The following TIRAP variants were observed in gnomAD, a reference collection of about 807,000 sequenced individuals.
The protein encoded by TIRAP is TIR domain containing adaptor protein, also known as toll/interleukin-1 receptor domain-containing adapter protein.
In TIRAP, 20 loss-of-function variants were observed where a neutral mutation model predicts 19.8. The observed-to-expected ratio is 1.01, with a 90% CI of 0.71 to 1.47. The LOEUF (loss-of-function observed/expected upper bound fraction) is 1.47. Among genes scored for constraint, TIRAP ranks in the 40% most tolerant of loss-of-function variants. TIRAP has a pLI of 0.00. For missense variants in TIRAP, 276 were observed against 285.1 expected (o/e 0.97, Z 0.23); for synonymous variants, 125 against 121.7 (o/e 1.03, Z -0.18).
rs1446922814 is a variant in TIRAP at position 126,287,622 on chromosome 11, T to G, written c.-216-2840T>G. Among the ~76,000 whole-genome samples, 1 of 152,024 alleles carries G rather than the reference T, an allele frequency of 6.6e-6. No individual in the cohort carries two copies. The highest frequency in any genetic ancestry group is 6.6e-5 in the Admixed American group (1 of 15,250). ...GCATGAGCCACTGTGCCCAGCCCAC[T>G]TTGGATTTTATACAGCAAAACTCCA... On this transcript the variant is annotated intron_variant, in intron 1 of 4. Coordinates refer to ENST00000392679, the MANE Select transcript of TIRAP (RefSeq NM_001318777.2). The surrounding 1 kb of genome is among the most constrained non-coding windows in gnomAD (Gnocchi z 4.2).
At position 126,291,319 on chromosome 11, in the gene TIRAP, CCCA is replaced by C. The variant is rs548354998; in HGVS notation, c.67+363_67+365del. 42 of 654,180 alleles carry C rather than the reference CCCA, an allele frequency of 6.4e-5. No individual in the cohort carries two copies. Among genetic ancestry groups the C allele is most frequent in the Middle Eastern group, 9.8e-4 (2 of 2,042 alleles). The allele number at this position is 654,180 out of a possible 1,614,324, so 40.5% of individuals were successfully genotyped here. A position where few individuals can be genotyped will look rare whatever the true frequency, so the allele number is the denominator to read the frequency against. On this transcript the variant is annotated intron_variant, in intron 3 of 4. Coordinates refer to ENST00000392679, the MANE Select transcript of TIRAP (RefSeq NM_001318777.2). The surrounding 1 kb of genome is among the most constrained non-coding windows in gnomAD (Gnocchi z 5.6). ...AGCAGAGAGAGAAAATGAATCAATC[CCCA>C]CCACAACTATCTGTCCTTATCAAAG...
chr11:126,293,766 A>G lies in TIRAP; in HGVS notation c.*79A>G, dbSNP rs1430910490. 3.3e-6 allele frequency: 5 copies of G among 1,510,694 alleles called. No homozygotes were observed. The highest frequency in any genetic ancestry group is 2.7e-5 in the African/African-American group (2 of 72,936). The allele number at this position is 1,510,694 out of a possible 1,614,324, so 93.6% of individuals were successfully genotyped here. A position where few individuals can be genotyped will look rare whatever the true frequency, so the allele number is the denominator to read the frequency against. On this transcript the variant is annotated 3_prime_UTR_variant, in exon 5 of 5. Coordinates refer to ENST00000392679, the MANE Select transcript of TIRAP (RefSeq NM_001318777.2). ...CCCATGCAGGGCCTCGGATTCCCAC[A>G]AATGTGACAAGAGGTATAGGGAGTG...
chr11:126,290,827 C>T lies in TIRAP; in HGVS notation c.-68C>T, dbSNP rs889038788. 5 of 1,543,296 alleles carry T rather than the reference C, an allele frequency of 3.2e-6. No individual in the cohort carries two copies. The highest frequency in any genetic ancestry group is 1.4e-5 in the African/African-American group (1 of 72,526). Reference sequence around the variant, plus strand: ...GGATGGCTGCTCCATGAGGTCAAGACTGGGTCTCCTCCCTCCTCCCCCTTC... The same window carrying T: ...GGATGGCTGCTCCATGAGGTCAAGATTGGGTCTCCTCCCTCCTCCCCCTTC... On this transcript the variant is annotated 5_prime_UTR_variant, in exon 3 of 5. Coordinates refer to ENST00000392679, the MANE Select transcript of TIRAP (RefSeq NM_001318777.2). The surrounding 1 kb of genome is among the most constrained non-coding windows in gnomAD (Gnocchi z 4.9).
intron 1 of TIRAP, 79 bp downstream of exon 1, chr11:126,283,232 T>A: frequency 3.6e-6 from 3 of 827,734 alleles, no homozygotes; most frequent in Non-Finnish European, 4.4e-6. Context: ...GCGGCCGGCC[T>A]GGGCCCCAGA....
chr11:126,289,625 C>T, intron 1 of TIRAP: 1 of 983,196 alleles, frequency 1.0e-6, no homozygotes, highest in South Asian at 4.7e-5. Flanking sequence ...TCTAATAATA[C>T]TTGCTTCCAT....
chr11:126,292,181 G>A (rs1007593777), intron 3 of TIRAP, among the ~76,000 whole-genome samples: 2 of 151,478 alleles, frequency 1.3e-5, no homozygotes, highest in Admixed American at 6.6e-5. Context: ...GTGCATGCCT[G>A]TAATCCCAGC....
At chr11:126,285,260 T>TATATAA (rs773653398) in intron 1 of TIRAP, among the ~76,000 whole-genome samples, 5,139 of 135,448 alleles carry the variant, frequency 0.038, 124 homozygotes, top group East Asian at 0.08. Flanking sequence ...TATATATATA[T>TATATAA]AATATATATT....
chr11:126,293,429 G>T (rs1402743179), intron 4 of TIRAP: 1 of 709,826 alleles, frequency 1.4e-6, no homozygotes, highest in Non-Finnish European at 2.6e-6. Flanking sequence ...GTTTCTCTGA[G>T]ATCAGGCTGG....
Position 126,292,858 on chromosome 11 carries a change from G to C in TIRAP, c.449G>C (p.Gly150Ala), listed in dbSNP as rs1309046752. 1.2e-6 allele frequency: 2 copies of C among 1,613,172 alleles called. No homozygotes were observed. The highest frequency in any genetic ancestry group is 1.7e-6 in the Non-Finnish European group (2 of 1,179,944). Reference protein sequence around the residue: ...SHCRVLLITPGFLQDPWCKYQ... With the variant: ...SHCRVLLITPAFLQDPWCKYQ... ...TGCCGGGTGCTGCTCATCACGCCGG[G>C]CTTCCTTCAGGACCCCTGGTGCAAG... is the stretch of plus-strand genomic sequence containing the variant. Residue 150 changes from glycine to alanine, a missense_variant, in exon 4 of 5, where the codon GGC becomes GCC. Gly to Ala is a moderately conservative substitution (Grantham distance 60). Coordinates refer to ENST00000392679, the MANE Select transcript of TIRAP (RefSeq NM_001318777.2).
At position 126,291,301 on chromosome 11, in the gene TIRAP, AGAG is replaced by A; in HGVS notation, c.67+341_67+343del. 1 of 590,522 alleles carries A rather than the reference AGAG, an allele frequency of 1.7e-6. No homozygotes were observed. The highest frequency in any genetic ancestry group is 2.8e-6 in the Non-Finnish European group (1 of 353,668). 36.6% of individuals were successfully genotyped at this position (590,522 alleles called of 1,614,324 possible). ...CATTTAGAGGAGAAGCCAAGCAGAG[AGAG>A]AAAATGAATCAATCCCCACCACAAC... is the stretch of plus-strand genomic sequence containing the variant. On this transcript the variant is annotated intron_variant, in intron 3 of 4. Transcript: ENST00000392679. The surrounding 1 kb of genome is among the most constrained non-coding windows in gnomAD (Gnocchi z 5.6).
chr11:126,293,432 C>A, intron 4 of TIRAP: 1 of 710,220 alleles, frequency 1.4e-6, no homozygotes, highest in Non-Finnish European at 2.6e-6. Context: ...TCTCTGAGAT[C>A]AGGCTGGAGA....
At position 126,291,020 on chromosome 11, in the gene TIRAP, T is replaced by G; in HGVS notation, c.67+59T>G. ...TCCTGAGTGTAGTGCTCAGCCTCCA[T>G]AGGGCGCGGTGGGAGGCCTGCCTGG... On this transcript the variant is annotated intron_variant, in intron 3 of 4. Transcript: ENST00000392679. The surrounding 1 kb of genome is among the most constrained non-coding windows in gnomAD (Gnocchi z 5.6). 6.5e-7 allele frequency: 1 copy of G among 1,541,880 alleles called. No individual in the cohort carries two copies. The highest frequency in any genetic ancestry group is 2.1e-5 in the Admixed American group (1 of 46,986).
rs902784911 is a variant in TIRAP, at chr11:126,287,199, A to G, written c.-216-3263A>G. Among the ~76,000 whole-genome samples the G allele has an allele frequency of 1.3e-5, 2 of 152,240 alleles. No individual in the cohort carries two copies. Among genetic ancestry groups the G allele is most frequent in the South Asian group, 2.1e-4 (1 of 4,834 alleles). Reference sequence around the variant, plus strand: ...AGATAGTGATTCCTGCTTAACAGAAATCGAATATGAACTCTAAGAGATACA... The same window carrying G: ...AGATAGTGATTCCTGCTTAACAGAAGTCGAATATGAACTCTAAGAGATACA... On this transcript the variant is annotated intron_variant, in intron 1 of 4. Coordinates refer to ENST00000392679, the MANE Select transcript of TIRAP (RefSeq NM_001318777.2). The surrounding 1 kb of genome is among the most constrained non-coding windows in gnomAD (Gnocchi z 4.2).
intron 1 of TIRAP, among the ~76,000 whole-genome samples, chr11:126,285,470 C>T (rs1951310777): frequency 6.6e-6 from 1 of 151,188 alleles, no homozygotes; most frequent in Non-Finnish European, 1.5e-5. Flanking sequence ...CCATGTTGGC[C>T]AGGCTGATCT....
chr11:126,283,159 C>T lies in TIRAP; in HGVS notation c.-217+6C>T, dbSNP rs1951274942. The stretch of plus-strand genomic sequence containing the variant: ...GCAACTGGGCCCGCGCGCAGGTGAG[C>T]CCGGGGCGGGGTCGCGGGGGACCGG... On this transcript the variant is annotated splice_donor_region_variant and intron_variant, in intron 1 of 4. Coordinates refer to ENST00000392679, the MANE Select transcript of TIRAP (RefSeq NM_001318777.2). 3.7e-5 allele frequency: 36 copies of T among 984,190 alleles called. No individual in the cohort carries two copies. The South Asian group carries it at 9.9e-4, about 27-fold the overall frequency. The allele number at this position is 984,190 out of a possible 1,614,324, so 61.0% of individuals were successfully genotyped here.
chr11:126,293,896 A>G lies in TIRAP; in HGVS notation c.*209A>G. Reference sequence around the variant, plus strand: ...TGGAGAGCTTGGGGACTCCCCCAGGAAGGCCGTGAAGCTGGGGATTCCCCC... The same window carrying G: ...TGGAGAGCTTGGGGACTCCCCCAGGGAGGCCGTGAAGCTGGGGATTCCCCC... On this transcript the variant is annotated 3_prime_UTR_variant, in exon 5 of 5. Coordinates refer to ENST00000392679, the MANE Select transcript of TIRAP (RefSeq NM_001318777.2). 2 of 605,512 alleles carry G rather than the reference A, an allele frequency of 3.3e-6. No homozygotes were observed. The highest frequency in any genetic ancestry group is 5.9e-6 in the Non-Finnish European group (2 of 341,470). 37.5% of individuals were successfully genotyped at this position (605,512 alleles called of 1,614,324 possible).
intron 1 of TIRAP, among the ~76,000 whole-genome samples, chr11:126,289,342 A>G (rs1951356032): frequency 6.6e-6 from 1 of 152,112 alleles, no homozygotes; most frequent in African/African-American, 2.4e-5. Context: ...GCAGTGGTAT[A>G]ATCTCAGCTC....
chr11:126,283,191 C>A lies in TIRAP; in HGVS notation c.-217+38C>A. 4 of 966,892 alleles carry A rather than the reference C, an allele frequency of 4.1e-6. No homozygotes were observed. The South Asian group carries it at 1.9e-4, about 46-fold the overall frequency. 59.9% of individuals were successfully genotyped at this position (966,892 alleles called of 1,614,324 possible). On this transcript the variant is annotated intron_variant, in intron 1 of 4. Coordinates refer to ENST00000392679, the MANE Select transcript of TIRAP (RefSeq NM_001318777.2). Reference sequence around the variant, plus strand: ...CGGGGTCGCGGGGGACCGGGAGGCGCGGCGGGGCTCCGTGGGGTGGGCGAC... The same window carrying A: ...CGGGGTCGCGGGGGACCGGGAGGCGAGGCGGGGCTCCGTGGGGTGGGCGAC...
chr11:126,292,608 C>A lies in TIRAP; in HGVS notation c.199C>A (p.Pro67Thr). ...LPPSLSSVTS[P>T]SLPPTHASDS... ...CCCAAGCCTCAGCTCAGTCACGTCT[C>A]CCAGCCTGCCACCCACACATGCGAG... Residue 67 changes from proline (P) to threonine (T), a missense_variant, in exon 4 of 5, where the codon CCC becomes ACC. Coordinates refer to ENST00000392679, the MANE Select transcript of TIRAP (RefSeq NM_001318777.2). 6.2e-7 allele frequency: 1 copy of A among 1,614,194 alleles called. No homozygotes were observed. Among genetic ancestry groups the A allele is most frequent in the Non-Finnish European group, 8.5e-7 (1 of 1,180,032 alleles).
Sources: gnomAD v4.1 joint callset for allele counts (sites outside exome capture counted in the v4.1 genomes callset) on GRCh38, gnomAD v4.1.1 for gene constraint, Gnocchi (gnomAD v3.1) non-coding constraint, MANE v1.5 for transcripts, NCBI Gene and HGNC (gene_info 2026-07-23, HGNC 2026-07-21) for gene names.